Variants in ST8SIA1 observed in about 807,000 individuals in gnomAD.
The protein encoded by ST8SIA1 is ST8 alpha-N-acetyl-neuraminide alpha-2,8-sialyltransferase 1.
ST8SIA1 carries 16 observed loss-of-function variants against 35.9 expected under a neutral mutation model. That is an observed-to-expected ratio of 0.45 (90% confidence interval 0.30 to 0.68). ST8SIA1 has a LOEUF of 0.68. Among genes scored for constraint, ST8SIA1 ranks in the 30% least tolerant of loss-of-function variants. The pLI, the probability that ST8SIA1 is intolerant of heterozygous loss-of-function variation, is 0.09. For missense variants in ST8SIA1, 383 were observed against 453.6 expected, an observed-to-expected ratio of 0.84 and a Z score of 1.41; for synonymous variants, 170 against 169.6, an observed-to-expected ratio of 1.00 and a Z score of -0.02.
chr12:22,326,017 T>A (rs1866674517), intron 1 of ST8SIA1: 1 of 505,734 alleles, frequency 2.0e-6, no homozygotes, highest in Non-Finnish European at 3.5e-6. Flanking sequence ...CAGAGCACAA[T>A]TTAAAACTTA....
At chr12:22,253,001 A>G (rs73270024) in intron 3 of ST8SIA1, among the ~76,000 whole-genome samples, 380 of 152,344 alleles carry the variant, frequency 2.5e-3, no homozygotes, top group African/African-American at 8.7e-3. Flanking sequence ...GAAGAGCACA[A>G]AAACTAATAA....
Position 22,324,546 on chromosome 12 carries a change from T to G in ST8SIA1, c.236+9451A>C, listed in dbSNP as rs1048517465. On this transcript the variant is annotated intron_variant, in intron 1 of 4. Transcript: ENST00000396037. The stretch of plus-strand genomic sequence containing the variant: ...ACTATTACTAGAAAAATATTTGCAA[T>G]GTACTGTTGAATTCATTATATTTTT... The G allele has an allele frequency of 2.0e-5, 3 of 152,192 alleles. No individual in the cohort carries two copies. The South Asian group carries it at 6.2e-4, about 31-fold the overall frequency. 9.4% of individuals were successfully genotyped at this position (152,192 alleles called of 1,614,324 possible). A position where few individuals can be genotyped will look rare whatever the true frequency, so the allele number is the denominator to read the frequency against.
intron 1 of ST8SIA1, among the ~76,000 whole-genome samples, chr12:22,290,089 T>G (rs1866155709): frequency 6.6e-6 from 1 of 152,178 alleles, no homozygotes; most frequent in Non-Finnish European, 1.5e-5. Flanking sequence ...AATACAAAGT[T>G]TCACATGTGT....
intron 4 of ST8SIA1, chr12:22,223,810 A>G: frequency 8.1e-7 from 1 of 1,231,744 alleles, no homozygotes; most frequent in African/African-American, 1.6e-5. Context: ...GCTAGTTAGA[A>G]TGAATTATAT....
At chr12:22,217,618 A>G (rs140560417) in intron 4 of ST8SIA1, among the ~76,000 whole-genome samples, 63 of 152,352 alleles carry the variant, frequency 4.1e-4, no homozygotes, top group African/African-American at 1.5e-3. Flanking sequence ...GAAAAAAATA[A>G]TAATAGCGTG....
chr12:22,225,362 AT>A (rs1186566313), intron 4 of ST8SIA1, among the ~76,000 whole-genome samples: 2 of 152,096 alleles, frequency 1.3e-5, no homozygotes, highest in African/African-American at 4.8e-5. Context: ...TAGGATCTGG[AT>A]CCTACTAGTA....
At chr12:22,224,316 C>CTT (rs11434182) in intron 4 of ST8SIA1, among the ~76,000 whole-genome samples, 1,946 of 144,984 alleles carry the variant, frequency 0.013, 22 homozygotes, top group Non-Finnish European at 0.018. Context: ...TATATTTATA[C>CTT]TTTTTTTTTT....
At chr12:22,216,331 C>T (rs555923547) in intron 4 of ST8SIA1, among the ~76,000 whole-genome samples, 3 of 152,246 alleles carry the variant, frequency 2.0e-5, no homozygotes, top group Admixed American at 2.0e-4. Flanking sequence ...CTGCCTACAC[C>T]TTCAGCCTCT....
rs1224195019 is a variant in ST8SIA1 at position 22,245,930 on chromosome 12, T to C, written c.584+3076A>G. On this transcript the variant is annotated intron_variant, in intron 4 of 4. Transcript: ENST00000396037. ...TAAGAAGGTGGAGGTTTCTGGGGGGTGGTGTGCCCAGGGAGGGCATGGAAG... is the reference window on the plus strand; with the variant it reads ...TAAGAAGGTGGAGGTTTCTGGGGGGCGGTGTGCCCAGGGAGGGCATGGAAG... Among the ~76,000 whole-genome samples the C allele has an allele frequency of 1.3e-5, 2 of 151,884 alleles. 1 individual carries two copies. Among genetic ancestry groups the C allele is most frequent in the African/African-American group, 4.8e-5 (2 of 41,310 alleles).
chr12:22,320,989 A>G (rs1360734836), intron 1 of ST8SIA1, among the ~76,000 whole-genome samples: 2 of 110,758 alleles, frequency 1.8e-5, no homozygotes, highest in Non-Finnish European at 3.8e-5. Context: ...GAAAGAAAGA[A>G]AGAAAGAAAG....
chr12:22,298,970 C>T (rs183118317), intron 1 of ST8SIA1, among the ~76,000 whole-genome samples: 28 of 151,474 alleles, frequency 1.8e-4, no homozygotes, highest in East Asian at 1.2e-3. Flanking sequence ...CAAATGTAGA[C>T]GGAATGAATC....
intron 2 of ST8SIA1, among the ~76,000 whole-genome samples, chr12:22,270,706 C>T (rs1018971066): frequency 1.3e-5 from 2 of 152,094 alleles, no homozygotes; most frequent in Non-Finnish European, 2.9e-5. Context: ...AATGAGGACG[C>T]TGTATGTGAT....
chr12:22,244,723 A>G (rs1366804951), intron 4 of ST8SIA1, among the ~76,000 whole-genome samples: 1 of 152,222 alleles, frequency 6.6e-6, no homozygotes, highest in African/African-American at 2.4e-5. Context: ...AAGTGCTGAG[A>G]TTACAGGCGT....
intron 1 of ST8SIA1, chr12:22,324,701 C>T (rs1866652011): frequency 6.6e-6 from 1 of 152,024 alleles, no homozygotes; most frequent in South Asian, 2.1e-4. Flanking sequence ...AAATATCAAC[C>T]TCAAGACAGT....
chr12:22,261,963 A>G (rs987336815), intron 2 of ST8SIA1, among the ~76,000 whole-genome samples: 43 of 152,236 alleles, frequency 2.8e-4, no homozygotes, highest in African/African-American at 1.0e-3. Context: ...GCTAAATAGA[A>G]AAACAGAATT....
chr12:22,310,951 T>C (rs74068557), intron 1 of ST8SIA1, among the ~76,000 whole-genome samples: 4,450 of 152,260 alleles, frequency 0.029, 231 homozygotes, highest in African/African-American at 0.1. Context: ...ATAATTAGTT[T>C]TCTTCAGCAA....
Position 22,197,839 on chromosome 12 carries a change from G to A in ST8SIA1, c.*3713C>T, listed in dbSNP as rs1187847596. On this transcript the variant is annotated 3_prime_UTR_variant, in exon 5 of 5. Transcript: ENST00000396037. ...TTGAGATCATTTACTTCCTACCCTTGTGAAGACAGATAAAAGTGAACTATA... is the reference window on the plus strand; with the variant it reads ...TTGAGATCATTTACTTCCTACCCTTATGAAGACAGATAAAAGTGAACTATA... 6.6e-6 allele frequency: 1 copy of A among 152,098 alleles called. No individual in the cohort carries two copies. The highest frequency in any genetic ancestry group is 1.5e-5 in the Non-Finnish European group (1 of 68,010). 9.4% of individuals were successfully genotyped at this position (152,098 alleles called of 1,614,324 possible).
chr12:22,269,850 T>A (rs374111513), intron 2 of ST8SIA1, among the ~76,000 whole-genome samples: 11 of 152,222 alleles, frequency 7.2e-5, no homozygotes, highest in African/African-American at 2.7e-4. Flanking sequence ...CTGTTACTTA[T>A]CTGATACATA....
intron 1 of ST8SIA1, among the ~76,000 whole-genome samples, chr12:22,309,503 G>A (rs1011062400): frequency 6.6e-6 from 1 of 152,156 alleles, no homozygotes; most frequent in African/African-American, 2.4e-5. Flanking sequence ...CCAAGAAGGG[G>A]CATGAAGCTC....
Sources: gnomAD v4.1 joint callset for allele counts (sites outside exome capture counted in the v4.1 genomes callset) on GRCh38, gnomAD v4.1.1 for gene constraint, MANE v1.5 for transcripts, NCBI Gene and HGNC (gene_info 2026-07-23, HGNC 2026-07-21) for gene names.